The following DLD variants were observed in gnomAD, a reference collection of about 807,000 sequenced individuals.
The protein encoded by DLD is dihydrolipoyl dehydrogenase, mitochondrial.
A neutral mutation model predicts 62.2 loss-of-function variants in DLD; 36 were observed. The observed-to-expected ratio is 0.58, with a 90% CI of 0.44 to 0.76. The LOEUF is 0.76. Ranked by LOEUF, DLD falls within the 30% of genes least tolerant of loss-of-function variation. The pLI is 0.00. For missense variants in DLD, 541 were observed against 608.6 expected (o/e 0.89, Z 1.17); for synonymous variants, 204 against 199.6 (o/e 1.02, Z -0.19).
At chr7:107,896,582 T>C (rs897311792) in intron 2 of DLD, among the ~76,000 whole-genome samples, 5 of 152,192 alleles carry the variant, frequency 3.3e-5, no homozygotes, top group African/African-American at 9.7e-5. Context: ...AAGTAGAGTA[T>C]TGATTTCAGA....
At chr7:107,893,348 C>T (rs959069883) in intron 2 of DLD, 70 bp downstream of exon 2, 14 of 1,173,168 alleles carry the variant, frequency 1.2e-5, no homozygotes, top group Non-Finnish European at 1.7e-5. Context: ...AATGTAAAAG[C>T]AAGTGAATAT....
rs143202763 is a variant in DLD at position 107,908,034 on chromosome 7, C to T, written c.684+1666C>T. 4.4e-3 allele frequency among the ~76,000 whole-genome samples: 671 copies of T among 152,282 alleles called. 6 individuals are homozygous for T. The highest frequency in any genetic ancestry group is 0.015 in the African/African-American group (637 of 41,552). ...ATTTTCTTGCCTTTGAAACACTTTG[C>T]CTAACTTCTGTGATTTCATATTCTT... is the stretch of plus-strand genomic sequence containing the variant. On this transcript the variant is annotated intron_variant, in intron 8 of 13. Coordinates refer to ENST00000205402, the MANE Select transcript of DLD (RefSeq NM_000108.5).
At position 107,920,279 on chromosome 7, in the gene DLD, A is replaced by G. The variant is rs558426158; in HGVS notation, c.*1020A>G. On this transcript the variant is annotated 3_prime_UTR_variant, in exon 14 of 14. Coordinates refer to ENST00000205402, the MANE Select transcript of DLD (RefSeq NM_000108.5). The stretch of plus-strand genomic sequence containing the variant: ...TGGTGTTTAAAATGGCCATGTCCTG[A>G]GGAAACTTAAGTAACAAAGTACTAA... 2 of 152,366 alleles carry G rather than the reference A, an allele frequency of 1.3e-5. No homozygotes were observed. The highest frequency in any genetic ancestry group is 4.8e-5 in the African/African-American group (2 of 41,456). The allele number at this position is 152,366 out of a possible 1,614,324, so 9.4% of individuals were successfully genotyped here.
At chr7:107,904,551 A>G in intron 5 of DLD, 3 of 379,712 alleles carry the variant, frequency 7.9e-6, no homozygotes, top group South Asian at 6.1e-5. Flanking sequence ...TGTATTTGAA[A>G]TTTTTAAACG....
intron 8 of DLD, among the ~76,000 whole-genome samples, chr7:107,914,295 TAG>T (rs2032212915): frequency 6.6e-6 from 1 of 152,166 alleles, no homozygotes; most frequent in Non-Finnish European, 1.5e-5. Flanking sequence ...CCTTATCAGA[TAG>T]AAGTTTTGTA....
intron 5 of DLD, chr7:107,904,692 A>G (rs2031960600): frequency 1.8e-6 from 1 of 550,308 alleles, no homozygotes; most frequent in Non-Finnish European, 3.5e-6. Flanking sequence ...TGTTCAGAGG[A>G]TATGTTATCA....
In DLD at chr7:107,909,931, C is replaced by G. The variant is rs531571477; in HGVS notation, c.684+3563C>G. Among the ~76,000 whole-genome samples, 7 of 150,506 alleles carry G rather than the reference C, an allele frequency of 4.7e-5. No individual in the cohort carries two copies. The South Asian group carries it at 1.5e-3, about 32-fold the overall frequency. On this transcript the variant is annotated intron_variant, in intron 8 of 13. Transcript: ENST00000205402. ...GCATGATCTCGGCTCACTGCAGCCTCCACCTCCCAGGTCCCAGTTCAAGCA... is the reference window on the plus strand; with the variant it reads ...GCATGATCTCGGCTCACTGCAGCCTGCACCTCCCAGGTCCCAGTTCAAGCA...
chr7:107,904,590 A>C (rs2031957126), intron 5 of DLD: 1 of 417,704 alleles, frequency 2.4e-6, no homozygotes, highest in African/African-American at 2.1e-5. Context: ...TGTTTCATGA[A>C]ATCTAGCATT....
chr7:107,918,273 C>G (rs1346402287), intron 12 of DLD, among the ~76,000 whole-genome samples: 1 of 152,146 alleles, frequency 6.6e-6, no homozygotes, highest in Non-Finnish European at 1.5e-5. Flanking sequence ...CCAAGATTCT[C>G]TCTTTAAAAC....
At chr7:107,893,355 A>G in intron 2 of DLD, 77 bp downstream of exon 2, 1 of 1,083,686 alleles carries the variant, frequency 9.2e-7, no homozygotes, top group Non-Finnish European at 1.4e-6. Context: ...AAGCAAGTGA[A>G]TATTGGAATA....
rs552754349 is a variant in DLD at position 107,896,845 on chromosome 7, T to TG, written c.118+3567_118+3568insG. Among the ~76,000 whole-genome samples, 211 of 152,110 alleles carry TG rather than the reference T, an allele frequency of 1.4e-3. 1 individual carries two copies. The highest frequency in any genetic ancestry group is 4.9e-3 in the African/African-American group (205 of 41,504). ...AAATCTGGTTTTGTTTTTGTTTGTT[T>TG]TTTTTTTTGAGACAAAGTCTCGCTC... On this transcript the variant is annotated intron_variant, in intron 2 of 13. Coordinates refer to ENST00000205402, the MANE Select transcript of DLD (RefSeq NM_000108.5).
chr7:107,893,263 T>TA lies in DLD; in HGVS notation c.104dup (p.Tyr35Ter), dbSNP rs753234219. The TA allele has an allele frequency of 9.9e-6, 16 of 1,613,238 alleles. No individual in the cohort carries two copies. The highest frequency in any genetic ancestry group is 3.3e-5 in the Admixed American group (2 of 59,888). The change falls in exon 2 of 14, where the codon TAC becomes TAAC. Residue 35 changes from tyrosine to a stop codon, truncating the protein, a stop_gained and frameshift_variant. Transcript: ENST00000205402. LOFTEE classifies it high-confidence loss of function. ...QGLSAVPLRTYADQPIDADVT... is the reference protein window; with the variant it reads ...QGLSAVPLRT ...ACTTTCTGCAGTGCCTCTGAGAACT[T>TA]ACGCAGATCAGCCGAGTAAGTACTT...
rs372032595 is a variant in DLD at position 107,904,960 on chromosome 7, T to G, written c.340T>G (p.Ser114Ala). The G allele has an allele frequency of 3.1e-6, 5 of 1,611,082 alleles. No homozygotes were observed. The highest frequency in any genetic ancestry group is 4.2e-6 in the Non-Finnish European group (5 of 1,177,918). Residue 114 changes from serine (S) to alanine (A), a missense_variant and splice_region_variant, in exon 6 of 14, where the codon TCC (serine) becomes GCC (alanine). Transcript: ENST00000205402. Reference protein sequence around the residue: ...KDFASRGIEMSEVRLNLDKMM... With the variant: ...KDFASRGIEMAEVRLNLDKMM... Reference sequence around the variant, plus strand: ...AAGATTAATTGAACAAATTACAGTGTCCGAAGTTCGCTTGAATTTAGACAA... The same window carrying G: ...AAGATTAATTGAACAAATTACAGTGGCCGAAGTTCGCTTGAATTTAGACAA...
At chr7:107,914,440 C>T (rs543106610) in intron 8 of DLD, among the ~76,000 whole-genome samples, 32 of 152,214 alleles carry the variant, frequency 2.1e-4, no homozygotes, top group African/African-American at 6.0e-4. Flanking sequence ...AAGAAATCTT[C>T]GCCTAACTCA....
In DLD at chr7:107,902,330, C is replaced by G. The variant is rs553951105; in HGVS notation, c.204C>G (p.Val68=). 1.5e-5 allele frequency: 25 copies of G among 1,613,374 alleles called. No individual in the cohort carries two copies. Among genetic ancestry groups the G allele is most frequent in the Non-Finnish European group, 2.1e-5 (25 of 1,179,568 alleles). ...AATGTTTTCTTTGGTTGTAGACAGT[C>G]TGCATTGAGAAAAATGAAACACTTG... is the stretch of plus-strand genomic sequence containing the variant. The part of the protein sequence containing the change: ...IKAAQLGFKT[V]CIEKNETLGG... The change falls in exon 4 of 14, where the codon GTC becomes GTG. Residue 68 remains valine, a synonymous_variant. Transcript: ENST00000205402.
At chr7:107,900,461 T>G (rs2031850441) in intron 2 of DLD, among the ~76,000 whole-genome samples, 1 of 151,910 alleles carries the variant, frequency 6.6e-6, no homozygotes, top group Admixed American at 6.6e-5. Flanking sequence ...ATGAAGTAGG[T>G]TTTTTTTGTG....
At chr7:107,904,911 C>A in intron 5 of DLD, 47 bp from the exon 6 acceptor site, 3 of 1,429,422 alleles carry the variant, frequency 2.1e-6, no homozygotes, top group Non-Finnish European at 2.9e-6. Flanking sequence ...CTGCATATTG[C>A]TTCAAGAATT....
Position 107,892,769 on chromosome 7 carries a change from A to G in DLD, c.40-431A>G, listed in dbSNP as rs934731790. Among the ~76,000 whole-genome samples, 73 of 152,080 alleles carry G rather than the reference A, an allele frequency of 4.8e-4. 1 individual carries two copies. Among genetic ancestry groups the G allele is most frequent in the Non-Finnish European group, 1.5e-4 (10 of 68,024 alleles). ...CACTATGTTGGCCAGGCTGGTCTCGAACTCCTGACCTCAGGTGATCCGCCC... is the reference window on the plus strand; with the variant it reads ...CACTATGTTGGCCAGGCTGGTCTCGGACTCCTGACCTCAGGTGATCCGCCC... On this transcript the variant is annotated intron_variant, in intron 1 of 13. Coordinates refer to ENST00000205402, the MANE Select transcript of DLD (RefSeq NM_000108.5).
intron 3 of DLD, 71 bp downstream of exon 3, chr7:107,901,888 C>T: frequency 7.8e-7 from 1 of 1,287,686 alleles, no homozygotes. Flanking sequence ...TTATAAAGTA[C>T]TTTGCAGGCA....
Sources: allele counts gnomAD v4.1 joint callset (sites outside exome capture counted in the v4.1 genomes callset), GRCh38; gene constraint gnomAD v4.1.1; transcripts MANE v1.5; gene names NCBI Gene and HGNC (gene_info 2026-07-23, HGNC 2026-07-21).